Variants in DMD observed in about 807,000 individuals in gnomAD.
DMD encodes the protein dystrophin.
A neutral mutation model predicts 330.1 loss-of-function variants in DMD; 63 were observed. That is an observed-to-expected ratio of 0.19 (90% confidence interval 0.16 to 0.24). The LOEUF is 0.24. Among genes scored for constraint, DMD ranks in the 10% least tolerant of loss-of-function variants. The pLI is 1.00. For missense variants in DMD, 3,344 were observed against 2,684.1 expected (o/e 1.25, Z -5.43); for synonymous variants, 1,223 against 959.8 (o/e 1.27, Z -5.07).
At chrX:33,012,730 G>A (rs138898658) in intron 2 of DMD, among the ~76,000 whole-genome samples, 174 of 111,028 alleles carry the variant, frequency 1.6e-3, no homozygotes, top group African/African-American at 5.2e-3. Flanking sequence ...AAATGATTTT[G>A]CCCAGCTCTA....
chrX:33,020,082 C>T, intron 2 of DMD, 57 bp downstream of exon 2: 1 of 956,128 alleles, frequency 1.0e-6, no homozygotes, highest in South Asian at 2.1e-5. Context: ...GGTACATAGT[C>T]CATTTTGAAA....
At chrX:32,172,588 T>C (rs2096891478) in intron 44 of DMD, among the ~76,000 whole-genome samples, 1 of 111,476 alleles carries the variant, frequency 9.0e-6, no homozygotes, top group East Asian at 2.8e-4. Context: ...ACGGGAGTTA[T>C]ATCTGTCACC....
chrX:31,384,640 ACCTATTGTTTCCTCT>A (rs1285038735), intron 60 of DMD, among the ~76,000 whole-genome samples: 1 of 111,436 alleles, frequency 9.0e-6, no homozygotes, highest in Non-Finnish European at 1.9e-5. Context: ...CAGAGACAAA[ACCTATTGTTTCCTCT>A]CCCTGTATAA....
intron 41 of DMD, among the ~76,000 whole-genome samples, chrX:32,331,564 C>G (rs775628569): frequency 9.0e-6 from 1 of 110,850 alleles, no homozygotes; most frequent in Admixed American, 9.6e-5. Context: ...AAATTTGACA[C>G]AGTATATTAC....
Position 32,054,100 on chromosome X carries a change from A to T in DMD, c.6439-85586T>A, listed in dbSNP as rs749715547. Reference sequence around the variant, plus strand: ...GTGTGTGTGTGTGTGAGAGAGAGAGAGAGAGAGAGAGAGAGAGAGAGAGAG... The same window carrying T: ...GTGTGTGTGTGTGTGAGAGAGAGAGTGAGAGAGAGAGAGAGAGAGAGAGAG... On this transcript the variant is annotated intron_variant, in intron 44 of 78. Coordinates refer to ENST00000357033, the MANE Select transcript of DMD (RefSeq NM_004006.3). 6.2e-3 allele frequency among the ~76,000 whole-genome samples: 512 copies of T among 82,995 alleles called. 9 individuals are homozygous for T. Among genetic ancestry groups the T allele is most frequent in the East Asian group, 0.047 (123 of 2,637 alleles). 72.1% of individuals were successfully genotyped at this position (82,995 alleles called of 115,157 possible).
At chrX:31,526,138 G>A (rs1306904989) in intron 55 of DMD, among the ~76,000 whole-genome samples, 1 of 112,307 alleles carries the variant, frequency 8.9e-6, no homozygotes, top group African/African-American at 3.2e-5. Context: ...TTTTAAATGC[G>A]GAAGAGAAAA....
intron 1 of DMD, among the ~76,000 whole-genome samples, chrX:33,236,274 CTTTTT>C (rs1195188757): frequency 1.2e-5 from 1 of 86,555 alleles, no homozygotes; most frequent in Non-Finnish European, 2.3e-5. Flanking sequence ...TTTTTTTTTT[CTTTTT>C]TTTTGACAAA....
At chrX:33,123,475 G>C (rs1321787529) in intron 1 of DMD, among the ~76,000 whole-genome samples, 1 of 110,769 alleles carries the variant, frequency 9.0e-6, no homozygotes, top group Non-Finnish European at 1.9e-5. Flanking sequence ...GGAGTGCAGG[G>C]GTGCGATCTC....
rs185459887 is a variant in DMD, at chrX:31,944,001, A to G, written c.6615-11774T>C. 6.6e-4 allele frequency among the ~76,000 whole-genome samples: 73 copies of G among 110,282 alleles called. No individual in the cohort carries two copies. The East Asian group carries it at 0.02, about 30-fold the overall frequency. On this transcript the variant is annotated intron_variant, in intron 45 of 78. Coordinates refer to ENST00000357033, the MANE Select transcript of DMD (RefSeq NM_004006.3). ...AGGGTATTTCCGTTTCACTTATTTA[A>G]ACTCTGCACATAATTGCAGCTAAGT...
At chrX:31,220,276 A>G (rs2045868137) in intron 64 of DMD, among the ~76,000 whole-genome samples, 1 of 111,404 alleles carries the variant, frequency 9.0e-6, no homozygotes, top group South Asian at 3.8e-4. Context: ...TCTCCCCTTC[A>G]TAAGTAAATT....
At chrX:32,389,209 G>A (rs1411013613) in intron 32 of DMD, among the ~76,000 whole-genome samples, 1 of 110,912 alleles carries the variant, frequency 9.0e-6, no homozygotes, top group African/African-American at 3.3e-5. Context: ...ACTATTTTTA[G>A]ATTAATATAT....
chrX:32,173,991 G>A (rs1410835564), intron 44 of DMD, among the ~76,000 whole-genome samples: 1 of 112,232 alleles, frequency 8.9e-6, no homozygotes, highest in Non-Finnish European at 1.9e-5. Context: ...TAAGTTCATT[G>A]TTAATTGTTA....
chrX:32,156,120 G>A (rs764010745), intron 44 of DMD, among the ~76,000 whole-genome samples: 1 of 112,112 alleles, frequency 8.9e-6, no homozygotes, highest in African/African-American at 3.2e-5. Flanking sequence ...GGTGGCTCAC[G>A]CCTGTAAACC....
At chrX:32,585,406 A>G (rs2054122617) in intron 13 of DMD, among the ~76,000 whole-genome samples, 1 of 111,821 alleles carries the variant, frequency 8.9e-6, no homozygotes, top group Admixed American at 9.6e-5. Context: ...CATAAAGAAT[A>G]TTATTGGCCG....
chrX:31,905,700 T>A (rs1299667267), intron 47 of DMD, among the ~76,000 whole-genome samples: 1 of 109,933 alleles, frequency 9.1e-6, no homozygotes, highest in African/African-American at 3.3e-5. Flanking sequence ...GATGAAAGTG[T>A]GAGGAAAAAG....
At chrX:32,947,833 T>G (rs767764130) in intron 2 of DMD, among the ~76,000 whole-genome samples, 3 of 111,126 alleles carry the variant, frequency 2.7e-5, no homozygotes, top group Non-Finnish European at 3.8e-5. Context: ...CATAAACACA[T>G]GGGAGGTGGG....
At chrX:32,141,986 A>T (rs2096755947) in intron 44 of DMD, among the ~76,000 whole-genome samples, 2 of 111,600 alleles carry the variant, frequency 1.8e-5, no homozygotes, top group Admixed American at 1.9e-4. Context: ...CACACGGGGG[A>T]TATGCTGATG....
In DMD at chrX:32,365,198, G is replaced by C. The variant is rs370167370; in HGVS notation, c.4847C>G (p.Ala1616Gly). Residue 1616 changes from alanine (A) to glycine (G), a missense_variant and splice_region_variant, in exon 35 of 79, where the codon GCT becomes GGT. Physicochemically the swap from Ala to Gly is moderately conservative, Grantham distance 60 (BLOSUM62 0). Coordinates refer to ENST00000357033, the MANE Select transcript of DMD (RefSeq NM_004006.3). ...CTGTTTCTCAATCTCTTTTTGAGTA[G>C]CCTGTGAAAAGGAGAGCATTGACCT... ...NLDSEVAWGK[A>G]TQKEIEKQKV... The C allele has an allele frequency of 1.9e-5, 23 of 1,207,605 alleles. No homozygotes were observed. The highest frequency in any genetic ancestry group is 2.6e-5 in the Non-Finnish European group (23 of 893,931).
At chrX:31,467,307 T>C (rs1317613285) in intron 59 of DMD, among the ~76,000 whole-genome samples, 1 of 111,689 alleles carries the variant, frequency 9.0e-6, no homozygotes, top group Admixed American at 9.5e-5. Flanking sequence ...GGGTTTGTCA[T>C]AAGTAGCTCT....
Sources: allele counts gnomAD v4.1 joint callset (sites outside exome capture counted in the v4.1 genomes callset), GRCh38; gene constraint gnomAD v4.1.1; transcripts MANE v1.5; gene names NCBI Gene and HGNC (gene_info 2026-07-23, HGNC 2026-07-21).